CNTN5: variants seen among roughly 807,000 people sequenced by gnomAD.
CNTN5 encodes the protein contactin-5.
Under a neutral mutation model 129.1 loss-of-function variants are expected in CNTN5, and 77 were observed. That is an observed-to-expected ratio of 0.60 (90% CI 0.50 to 0.72). CNTN5 has a LOEUF of 0.72. CNTN5 is among the 30% of genes least tolerant of loss of function. The pLI, the probability that CNTN5 is intolerant of heterozygous loss-of-function variation, is 0.00. For synonymous variants in CNTN5, 509 were observed against 465.6 expected (o/e 1.09, Z -1.20); for missense variants, 1,478 against 1,328.8 (o/e 1.11, Z -1.75).
intron 9 of CNTN5, among the ~76,000 whole-genome samples, chr11:100,016,934 A>G (rs1189645917): frequency 6.6e-6 from 1 of 151,700 alleles, no homozygotes; most frequent in Non-Finnish European, 1.5e-5. Flanking sequence ...TATAAGGATG[A>G]TTTTTGGTCT....
chr11:100,267,955 GT>G (rs1392508230), intron 17 of CNTN5, among the ~76,000 whole-genome samples: 2 of 152,126 alleles, frequency 1.3e-5, no homozygotes, highest in Non-Finnish European at 2.9e-5. Context: ...TATGACAGAG[GT>G]CATAAAAATG....
chr11:99,431,668 A>T (rs766353704), intron 2 of CNTN5, among the ~76,000 whole-genome samples: 11 of 152,166 alleles, frequency 7.2e-5, no homozygotes, highest in Admixed American at 6.6e-5. Flanking sequence ...TTGGTCACCA[A>T]TTGGTAAAAA....
chr11:100,108,385 A>G (rs1945529070), intron 13 of CNTN5, among the ~76,000 whole-genome samples: 1 of 152,152 alleles, frequency 6.6e-6, no homozygotes, highest in African/African-American at 2.4e-5. Context: ...AATCATTGAG[A>G]TGTGTGAGAT....
chr11:99,463,443 G>GAAAAA lies in CNTN5; in HGVS notation c.-70-92690_-70-92686dup, dbSNP rs66933434. On this transcript the variant is annotated intron_variant, in intron 2 of 24. Transcript: ENST00000524871. Reference sequence around the variant, plus strand: ...ACAGAGCGAGACTCTGTCTCAAAAAGAAAAAAAAAAAAAAAACAATAGAAG... The same window carrying GAAAAA: ...ACAGAGCGAGACTCTGTCTCAAAAAGAAAAAAAAAAAAAAAAAAAAACAATAGAAG... 1.6e-3 allele frequency among the ~76,000 whole-genome samples: 201 copies of GAAAAA among 126,858 alleles called. 9 individuals carry two copies. The highest frequency in any genetic ancestry group is 2.4e-3 in the Non-Finnish European group (153 of 62,956). The allele number at this position is 126,858 out of a possible 152,430, so 83.2% of individuals were successfully genotyped here.
chr11:99,056,181 A>G (rs1470152492), intron 1 of CNTN5, among the ~76,000 whole-genome samples: 1 of 151,892 alleles, frequency 6.6e-6, no homozygotes, highest in Non-Finnish European at 1.5e-5. Flanking sequence ...ATTCACTGGT[A>G]AGCCATGTAG....
intron 3 of CNTN5, among the ~76,000 whole-genome samples, chr11:99,681,626 G>A (rs755352036): frequency 2.0e-5 from 3 of 151,972 alleles, no homozygotes; most frequent in Non-Finnish European, 2.9e-5. Flanking sequence ...AATTTTATAA[G>A]CACTGGATGC....
chr11:99,292,240 A>C (rs1374832981), intron 1 of CNTN5, among the ~76,000 whole-genome samples: 2 of 120,806 alleles, frequency 1.7e-5, no homozygotes, highest in East Asian at 5.3e-4. Flanking sequence ...ATATATATAA[A>C]AGCTTACAAA....
chr11:99,090,892 G>A (rs1866218772), intron 1 of CNTN5, among the ~76,000 whole-genome samples: 1 of 151,808 alleles, frequency 6.6e-6, no homozygotes, highest in African/African-American at 2.4e-5. Flanking sequence ...CGCGGTGGCA[G>A]GCGCCTGTGG....
chr11:99,369,628 T>G (rs1315406019), intron 2 of CNTN5, among the ~76,000 whole-genome samples: 1 of 152,068 alleles, frequency 6.6e-6, no homozygotes, highest in South Asian at 2.1e-4. Context: ...GTTGAAACAT[T>G]TGAAATTTGC....
chr11:99,657,777 C>T (rs1565397094), intron 3 of CNTN5, among the ~76,000 whole-genome samples: 1 of 151,972 alleles, frequency 6.6e-6, no homozygotes, highest in Non-Finnish European at 1.5e-5. Context: ...TCACATTTGA[C>T]ACATTGAGCA....
At chr11:99,179,990 G>A (rs1166503159) in intron 1 of CNTN5, among the ~76,000 whole-genome samples, 2 of 152,060 alleles carry the variant, frequency 1.3e-5, no homozygotes, top group African/African-American at 2.4e-5. Flanking sequence ...TCCCTGAACA[G>A]CATATTTTAT....
chr11:99,417,590 C>G (rs1565565468), intron 2 of CNTN5, among the ~76,000 whole-genome samples: 1 of 151,640 alleles, frequency 6.6e-6, no homozygotes, highest in East Asian at 1.9e-4. Flanking sequence ...CTCAATTATT[C>G]CTACTATTTT....
intron 9 of CNTN5, among the ~76,000 whole-genome samples, chr11:100,012,350 G>T (rs1255033536): frequency 6.6e-6 from 1 of 152,162 alleles, no homozygotes; most frequent in African/African-American, 2.4e-5. Context: ...GGCTAGACGT[G>T]TGGATGTACC....
intron 1 of CNTN5, among the ~76,000 whole-genome samples, chr11:99,209,099 A>G (rs1040188423): frequency 1.1e-4 from 17 of 152,122 alleles, no homozygotes; most frequent in Non-Finnish European, 2.5e-4. Flanking sequence ...TTTGCTGTGA[A>G]TTGACGCTAC....
chr11:99,564,174 T>C (rs1435535571), intron 3 of CNTN5, among the ~76,000 whole-genome samples: 1 of 152,188 alleles, frequency 6.6e-6, no homozygotes, highest in African/African-American at 2.4e-5. Context: ...ATTGAATCCC[T>C]GAGATCAAGT....
At chr11:99,900,828 T>G (rs764880790) in intron 6 of CNTN5, among the ~76,000 whole-genome samples, 6 of 152,186 alleles carry the variant, frequency 3.9e-5, no homozygotes, top group Non-Finnish European at 5.9e-5. Context: ...TTTTGGAGTT[T>G]CAAATAATTT....
At chr11:99,062,262 G>A (rs115471212) in intron 1 of CNTN5, among the ~76,000 whole-genome samples, 5,598 of 152,248 alleles carry the variant, frequency 0.037, 137 homozygotes, top group South Asian at 0.093. Context: ...CAACAGGCAA[G>A]ATGGTCTAAT....
At chr11:99,345,962 G>A (rs1241884978) in intron 2 of CNTN5, among the ~76,000 whole-genome samples, 1 of 152,064 alleles carries the variant, frequency 6.6e-6, no homozygotes, top group Non-Finnish European at 1.5e-5. Context: ...ATACATTAAT[G>A]CATATTTCAT....
At chr11:99,867,613 G>C (rs1332696053) in intron 6 of CNTN5, among the ~76,000 whole-genome samples, 1 of 151,990 alleles carries the variant, frequency 6.6e-6, no homozygotes, top group African/African-American at 2.4e-5. Flanking sequence ...GCATCTCTCT[G>C]ACTTTGCTCC....
Sources: allele counts gnomAD v4.1 joint callset (sites outside exome capture counted in the v4.1 genomes callset), GRCh38; gene constraint gnomAD v4.1.1; transcripts MANE v1.5; gene names NCBI Gene and HGNC (gene_info 2026-07-23, HGNC 2026-07-21).